Variants in PRORP observed in about 807,000 individuals in gnomAD.
The protein encoded by PRORP is mitochondrial ribonuclease P catalytic subunit.
PRORP carries 51 observed loss-of-function variants against 59.4 expected under a neutral mutation model. The ratio of observed to expected loss-of-function variants is 0.86; its 90% CI spans 0.69 to 1.08. The LOEUF (loss-of-function observed/expected upper bound fraction) is 1.08. PRORP is among the 50% of genes least tolerant of loss of function. PRORP has a pLI of 0.00. For synonymous variants in PRORP, 231 were observed against 245.6 expected (o/e 0.94, Z 0.55); for missense variants, 646 against 690.3 (o/e 0.94, Z 0.72).
chr14:35,205,640 G>C (rs1250787166), intron 5 of PRORP, among the ~76,000 whole-genome samples: 1 of 152,226 alleles, frequency 6.6e-6, no homozygotes, highest in East Asian at 1.9e-4. Context: ...TCTATTAACA[G>C]AGAAAAGCAG....
intron 4 of PRORP, among the ~76,000 whole-genome samples, chr14:35,156,210 G>A (rs187513302): frequency 6.6e-5 from 10 of 152,348 alleles, no homozygotes; most frequent in Admixed American, 3.3e-4. Context: ...CCCCAACAGT[G>A]CTAACTGGGA....
At chr14:35,135,813 C>A (rs1394821248) in intron 4 of PRORP, among the ~76,000 whole-genome samples, 1 of 151,988 alleles carries the variant, frequency 6.6e-6, no homozygotes, top group African/African-American at 2.4e-5. Context: ...CAAAAATTAG[C>A]TGGTCGTGGT....
At chr14:35,132,737 A>C (rs1398414532) in intron 4 of PRORP, among the ~76,000 whole-genome samples, 2 of 151,164 alleles carry the variant, frequency 1.3e-5, no homozygotes, top group South Asian at 2.1e-4. Context: ...TAGTGAGCCA[A>C]GATTGCGCCA....
chr14:35,196,512 T>C (rs1330485854), intron 5 of PRORP, among the ~76,000 whole-genome samples: 2 of 152,112 alleles, frequency 1.3e-5, no homozygotes, highest in East Asian at 1.9e-4. Flanking sequence ...ATAAATATTT[T>C]CATCACATGG....
intron 5 of PRORP, among the ~76,000 whole-genome samples, chr14:35,216,263 G>A (rs1377114507): frequency 8.1e-5 from 12 of 149,012 alleles, no homozygotes; most frequent in African/African-American, 2.0e-4. Flanking sequence ...TTATGTGTGC[G>A]TGTGTGTCAT....
At chr14:35,232,387 A>G (rs549660961) in intron 5 of PRORP, among the ~76,000 whole-genome samples, 3 of 151,566 alleles carry the variant, frequency 2.0e-5, no homozygotes, top group Non-Finnish European at 1.5e-5. Flanking sequence ...AAAAAAAAAA[A>G]TTTTTGTAGA....
At chr14:35,152,773 C>T (rs1392493202) in intron 4 of PRORP, among the ~76,000 whole-genome samples, 4 of 151,046 alleles carry the variant, frequency 2.6e-5, no homozygotes, top group African/African-American at 7.3e-5. Context: ...CGGGCAGAGG[C>T]GCTCCTCACA....
chr14:35,166,559 C>A (rs952324611), intron 4 of PRORP, among the ~76,000 whole-genome samples: 1 of 151,134 alleles, frequency 6.6e-6, no homozygotes, highest in Admixed American at 6.6e-5. Context: ...AAGCGATTCT[C>A]CTGCCTCAGC....
intron 5 of PRORP, among the ~76,000 whole-genome samples, chr14:35,183,974 C>T (rs920089846): frequency 2.0e-5 from 3 of 152,040 alleles, no homozygotes; most frequent in Non-Finnish European, 2.9e-5. Flanking sequence ...ATTAGGAATT[C>T]GAAGTTCTAT....
chr14:35,165,911 C>A (rs1465320186), intron 4 of PRORP, among the ~76,000 whole-genome samples: 1 of 152,006 alleles, frequency 6.6e-6, no homozygotes, highest in Non-Finnish European at 1.5e-5. Context: ...AACTCCTGGC[C>A]TCAATGGATC....
chr14:35,259,899 T>TAAATA (rs920184821), intron 5 of PRORP, among the ~76,000 whole-genome samples: 9 of 150,794 alleles, frequency 6.0e-5, no homozygotes, highest in African/African-American at 2.2e-4. Flanking sequence ...TCTCAAAAAA[T>TAAATA]AAATAAAATA....
At chr14:35,156,959 CTTTT>C (rs11370871) in intron 4 of PRORP, among the ~76,000 whole-genome samples, 1 of 137,040 alleles carries the variant, frequency 7.3e-6, no homozygotes. Flanking sequence ...TTTTTCTTTT[CTTTT>C]TTTTTTTTTT....
At chr14:35,266,979 T>C (rs1404691353) in intron 6 of PRORP, 104 bp downstream of exon 6, 2 of 1,015,948 alleles carry the variant, frequency 2.0e-6, no homozygotes, top group East Asian at 5.6e-5. Context: ...TGTATGTGTA[T>C]ACTCACCCTC....
chr14:35,184,391 A>G (rs984234811), intron 5 of PRORP, among the ~76,000 whole-genome samples: 1 of 152,144 alleles, frequency 6.6e-6, no homozygotes, highest in Non-Finnish European at 1.5e-5. Context: ...GCCACCATGT[A>G]GAGATTTATT....
At chr14:35,254,762 TA>T (rs1566529728) in intron 5 of PRORP, among the ~76,000 whole-genome samples, 1 of 152,100 alleles carries the variant, frequency 6.6e-6, no homozygotes, top group East Asian at 1.9e-4. Flanking sequence ...ATACAACTTA[TA>T]AAGACCCCTG....
chr14:35,134,517 T>C (rs2047326317), intron 4 of PRORP, among the ~76,000 whole-genome samples: 1 of 152,116 alleles, frequency 6.6e-6, no homozygotes. Context: ...AATCCTTCCA[T>C]GATTGGGTTC....
chr14:35,163,054 A>G (rs1435420980), intron 4 of PRORP, among the ~76,000 whole-genome samples: 1 of 152,110 alleles, frequency 6.6e-6, no homozygotes, highest in Admixed American at 6.6e-5. Flanking sequence ...TCTAATATCT[A>G]TTAGAGCTAA....
rs113463204 is a variant in PRORP, at chr14:35,152,533, G to A, written c.1167+24922G>A. 2.3e-4 allele frequency among the ~76,000 whole-genome samples: 34 copies of A among 147,226 alleles called. 1 individual carries two copies. The highest frequency in any genetic ancestry group is 6.1e-4 in the Admixed American group (9 of 14,818). On this transcript the variant is annotated intron_variant, in intron 4 of 7. Coordinates refer to ENST00000534898, the MANE Select transcript of PRORP (RefSeq NM_014672.4). ...CAGGCAGAGGTGCCTCCCACCTCCC[G>A]GATGGGGCAGCGGCCGGGTGGAGGC...
intron 4 of PRORP, among the ~76,000 whole-genome samples, chr14:35,162,545 T>C (rs2048086926): frequency 6.6e-6 from 1 of 152,122 alleles, no homozygotes; most frequent in African/African-American, 2.4e-5. Context: ...ATTGACTGTT[T>C]TCATATTAAT....
Sources: gnomAD v4.1 joint callset for allele counts (sites outside exome capture counted in the v4.1 genomes callset) on GRCh38, gnomAD v4.1.1 for gene constraint, MANE v1.5 for transcripts, NCBI Gene and HGNC (gene_info 2026-07-23, HGNC 2026-07-21) for gene names.